The following NFIB variants were observed in gnomAD, a reference collection of about 807,000 sequenced individuals.
NFIB encodes the protein nuclear factor 1 B-type.
Under a neutral mutation model 61.5 loss-of-function variants are expected in NFIB, and 11 were observed. The ratio of observed to expected loss-of-function variants is 0.18; its 90% confidence interval spans 0.11 to 0.30. The LOEUF is 0.30. Ranked by LOEUF, NFIB falls within the 10% of genes least tolerant of loss-of-function variation. NFIB has a pLI of 1.00. For synonymous variants in NFIB, 260 were observed against 216.5 expected (o/e 1.20, Z -1.76); for missense variants, 471 against 608.9 (o/e 0.77, Z 2.38).
At position 14,319,527 on chromosome 9, in the gene NFIB, G is replaced by C. The variant is rs544350242; in HGVS notation, c.109-12007C>G. Among the ~76,000 whole-genome samples, 24 of 152,308 alleles carry C rather than the reference G, an allele frequency of 1.6e-4. 1 individual carries two copies. In the East Asian group the frequency reaches 3.9e-3, roughly 24 times the overall value. On this transcript the variant is annotated intron_variant, in intron 1 of 8. Transcript: ENST00000380934. The stretch of plus-strand genomic sequence containing the variant: ...AGTGTCTCTTGTCTGCTGATATTGA[G>C]AGAGTTGCAGTTATTGCTCTTTTTC...
intron 1 of NFIB, among the ~76,000 whole-genome samples, chr9:14,381,580 C>T (rs1253424104): frequency 1.3e-5 from 2 of 152,212 alleles, no homozygotes; most frequent in African/African-American, 4.8e-5. Context: ...AAGTCATAGA[C>T]ATACATGATG....
chr9:14,112,582 G>A (rs2037536170), intron 10 of NFIB, among the ~76,000 whole-genome samples: 1 of 152,162 alleles, frequency 6.6e-6, no homozygotes, highest in Admixed American at 6.6e-5. Context: ...AAATACAAAT[G>A]TGAGGAGCAA....
intron 6 of NFIB, 96 bp downstream of exon 6, chr9:14,146,593 C>A: frequency 6.6e-7 from 1 of 1,515,824 alleles, no homozygotes; most frequent in South Asian, 1.2e-5. Flanking sequence ...ATATACAATC[C>A]ATATTGGTTT....
chr9:14,089,282 G>C (rs1265125435), intron 10 of NFIB, among the ~76,000 whole-genome samples: 1 of 151,790 alleles, frequency 6.6e-6, no homozygotes, highest in Admixed American at 6.6e-5. Flanking sequence ...TTGGGGGTTG[G>C]GGGTGTTGGA....
At chr9:14,119,086 A>C (rs1443686333) in intron 8 of NFIB, among the ~76,000 whole-genome samples, 1 of 152,128 alleles carries the variant, frequency 6.6e-6, no homozygotes, top group Non-Finnish European at 1.5e-5. Context: ...GGATGTCTTA[A>C]TTAGACTTTG....
intron 2 of NFIB, among the ~76,000 whole-genome samples, chr9:14,279,061 CACAG>C (rs1283803414): frequency 5.3e-5 from 8 of 152,078 alleles, no homozygotes; most frequent in Admixed American, 3.3e-4. Context: ...TGCATACACA[CACAG>C]AGAGAGAGAC....
At chr9:14,117,348 A>G (rs1393297985) in intron 8 of NFIB, among the ~76,000 whole-genome samples, 1 of 152,204 alleles carries the variant, frequency 6.6e-6, no homozygotes, top group Non-Finnish European at 1.5e-5. Flanking sequence ...CTTTGAAGAA[A>G]TAGTGGAATA....
At chr9:14,167,839 TAGTATACTCCCTAGTAA>T (rs2045066206) in intron 3 of NFIB, among the ~76,000 whole-genome samples, 1 of 152,184 alleles carries the variant, frequency 6.6e-6, no homozygotes, top group East Asian at 1.9e-4. Flanking sequence ...AAGAACACTG[TAGTATACTCCCTAGTAA>T]ACAAAAGCAC....
chr9:14,242,474 C>T (rs1429362499), intron 2 of NFIB, among the ~76,000 whole-genome samples: 2 of 152,288 alleles, frequency 1.3e-5, no homozygotes, highest in African/African-American at 2.4e-5. Context: ...TTGTTCTATA[C>T]ATCAGAGATG....
At chr9:14,492,412 T>G in the NFIB span, among the ~76,000 whole-genome samples, 2 of 148,886 alleles carry the variant, frequency 1.3e-5, no homozygotes, top group African/African-American at 2.5e-5. Context: ...TAAAAAGAAA[T>G]AAATAAAAAG....
the NFIB span, among the ~76,000 whole-genome samples, chr9:14,481,197 G>GTATATATATATATATATATATATATATA: frequency 7.2e-4 from 33 of 45,830 alleles, no homozygotes; most frequent in East Asian, 1.7e-3. Flanking sequence ...GTGTGTGTGT[G>GTATATATATATATATATATATATATATA]TATATATATA....
At chr9:14,365,102 A>G (rs1420603891) in intron 1 of NFIB, among the ~76,000 whole-genome samples, 1 of 152,208 alleles carries the variant, frequency 6.6e-6, no homozygotes, top group Non-Finnish European at 1.5e-5. Flanking sequence ...TACCCATGTA[A>G]AGTGCTTAGC....
In NFIB at chr9:14,149,665, C is replaced by T. The variant is rs1433748679; in HGVS notation, c.806+480G>A. ...AGCGTTAATTAAATTAGTCAAAAAA[C>T]ATCAACTAATTGAAGAACTTGGCAA... On this transcript the variant is annotated intron_variant, in intron 5 of 10. Coordinates refer to ENST00000380953, the MANE Select transcript of NFIB (RefSeq NM_001190737.2). 8.5e-5 allele frequency among the ~76,000 whole-genome samples: 13 copies of T among 152,236 alleles called. No homozygotes were observed. The East Asian group carries it at 2.1e-3, about 25-fold the overall frequency.
intron 2 of NFIB, among the ~76,000 whole-genome samples, chr9:14,281,017 G>A (rs760752878): frequency 1.3e-5 from 2 of 152,132 alleles, no homozygotes; most frequent in Admixed American, 1.3e-4. Flanking sequence ...AATATGTACG[G>A]TGAGCCAAAA....
chr9:14,435,116 G>C, the NFIB span, among the ~76,000 whole-genome samples: 1 of 152,106 alleles, frequency 6.6e-6, no homozygotes, highest in Non-Finnish European at 1.5e-5. Context: ...ATTCTTGCTT[G>C]GAGTTCCTGC....
At chr9:14,304,044 T>C (rs1251417699) in intron 2 of NFIB, among the ~76,000 whole-genome samples, 2 of 152,228 alleles carry the variant, frequency 1.3e-5, no homozygotes, top group Non-Finnish European at 2.9e-5. Context: ...CAAAGAGATT[T>C]AGCTTTAAAT....
chr9:14,144,575 G>T (rs546685010), intron 6 of NFIB, among the ~76,000 whole-genome samples: 1 of 152,080 alleles, frequency 6.6e-6, no homozygotes, highest in Non-Finnish European at 1.5e-5. Context: ...CTCCTACTAC[G>T]CACCAAGTGT....
At chr9:14,477,657 T>C in the NFIB span, among the ~76,000 whole-genome samples, 3,396 of 152,326 alleles carry the variant, frequency 0.022, 63 homozygotes, top group Middle Eastern at 0.054. Flanking sequence ...TATTTCTATG[T>C]TGTAAAAGCA....
chr9:14,347,850 C>T (rs1377367679), intron 1 of NFIB, among the ~76,000 whole-genome samples: 4 of 152,118 alleles, frequency 2.6e-5, no homozygotes, highest in African/African-American at 4.8e-5. Flanking sequence ...ATTCTCTCGC[C>T]GAGGGTCCCA....
Sources: allele counts gnomAD v4.1 joint callset (sites outside exome capture counted in the v4.1 genomes callset), GRCh38; gene constraint gnomAD v4.1.1; transcripts MANE v1.5; gene names NCBI Gene and HGNC (gene_info 2026-07-23, HGNC 2026-07-21).